The following CCDC61 variants were observed in gnomAD, a reference collection of about 807,000 sequenced individuals.
CCDC61 encodes centrosomal protein CCDC61.
In CCDC61, 55 loss-of-function variants were observed where a neutral mutation model predicts 63.0. That is an observed-to-expected ratio of 0.87 (90% CI 0.70 to 1.09). The LOEUF (loss-of-function observed/expected upper bound fraction) is 1.09. Among genes scored for constraint, CCDC61 ranks in the 50% least tolerant of loss-of-function variants. CCDC61 has a pLI of 0.00. For missense variants in CCDC61, 651 were observed against 731.4 expected (o/e 0.89, Z 1.27); for synonymous variants, 270 against 317.0 (o/e 0.85, Z 1.58).
chr19:46,001,508 G>A (rs1968591438), intron 1 of CCDC61, among the ~76,000 whole-genome samples: 1 of 152,224 alleles, frequency 6.6e-6, no homozygotes, highest in African/African-American at 2.4e-5. Flanking sequence ...ACAGGCGTGA[G>A]CCAACGCACA....
intron 5 of CCDC61, among the ~76,000 whole-genome samples, chr19:46,009,947 C>T (rs553241430): frequency 1.3e-5 from 2 of 152,250 alleles, no homozygotes; most frequent in South Asian, 4.1e-4. Context: ...CCCTTTGGAA[C>T]CAACCACAGG....
chr19:46,003,952 T>G (rs931027700), intron 3 of CCDC61, among the ~76,000 whole-genome samples: 1 of 152,070 alleles, frequency 6.6e-6, no homozygotes, highest in African/African-American at 2.4e-5. Context: ...GTTTATTTTT[T>G]TTTTGAGATG....
Position 46,015,923 on chromosome 19 carries a change from G to A in CCDC61, c.846-131G>A, listed in dbSNP as rs543120051. On this transcript the variant is annotated intron_variant, in intron 7 of 13. Transcript: ENST00000595358. The surrounding 1 kb of genome is among the most constrained non-coding windows in gnomAD (Gnocchi z 5.3). The stretch of plus-strand genomic sequence containing the variant: ...GGGGGAAGATATCGAGAGGGTCATG[G>A]GCCCAGGAGTGCACGTCTAGGAGTT... 1.3e-4 allele frequency: 99 copies of A among 741,930 alleles called. 1 individual carries two copies. In the South Asian group the frequency reaches 2.3e-3, roughly 18 times the overall value. The allele number at this position is 741,930 out of a possible 1,614,324, so 46.0% of individuals were successfully genotyped here.
intron 1 of CCDC61, chr19:45,996,304 G>C (rs557825503): frequency 6.6e-6 from 1 of 152,360 alleles, no homozygotes; most frequent in Admixed American, 6.5e-5. Context: ...CTCTTTGGAA[G>C]TTCATCTGAC....
intron 5 of CCDC61, among the ~76,000 whole-genome samples, chr19:46,009,986 G>GCTT (rs1274186059): frequency 6.6e-6 from 1 of 152,204 alleles, no homozygotes; most frequent in Non-Finnish European, 1.5e-5. Flanking sequence ...CTGCTCAGTG[G>GCTT]CTTCTTATCT....
rs1968941335 is a variant in CCDC61 at position 46,016,578 on chromosome 19, C to T, written c.1092-116C>T. 6.7e-7 allele frequency: 1 copy of T among 1,482,034 alleles called. No homozygotes were observed. Among genetic ancestry groups the T allele is most frequent in the East Asian group, 2.4e-5 (1 of 41,726 alleles). The allele number at this position is 1,482,034 out of a possible 1,614,324, so 91.8% of individuals were successfully genotyped here. A position where few individuals can be genotyped will look rare whatever the true frequency, so the allele number is the denominator to read the frequency against. ...TCTGTGTTTCTGCGTGCTTTCCGCT[C>T]GTAGGCCTGTCACCTCAGGCTTTCG... On this transcript the variant is annotated intron_variant, in intron 9 of 13. Coordinates refer to ENST00000595358, the MANE Select transcript of CCDC61 (RefSeq NM_001267723.2). The surrounding 1 kb of genome is among the most constrained non-coding windows in gnomAD (Gnocchi z 7.2).
Position 46,008,170 on chromosome 19 carries a change from G to A in CCDC61, c.420G>A (p.Gln140=). The A allele has an allele frequency of 6.2e-7, 1 of 1,612,486 alleles. No homozygotes were observed. Among genetic ancestry groups the A allele is most frequent in the Non-Finnish European group, 8.5e-7 (1 of 1,179,370 alleles). The change falls in exon 5 of 14, where the codon CAG becomes CAA. Residue 140 remains glutamine (Q), a synonymous_variant. Transcript: ENST00000595358. Reference sequence around the variant, plus strand: ...ACTACCCGCTGCCCCTCCCGTACCAGGGCAAGCCAGACCCCGTGGTTCTGC... The same window carrying A: ...ACTACCCGCTGCCCCTCCCGTACCAAGGCAAGCCAGACCCCGTGGTTCTGC... ...RIHYPLPLPY[Q]GKPDPVVLQG... is the part of the protein sequence containing the mutation.
chr19:46,003,046 G>T lies in CCDC61; in HGVS notation c.28G>T (p.Asp10Tyr). 1 of 1,584,078 alleles carries T rather than the reference G, an allele frequency of 6.3e-7. No homozygotes were observed. Among genetic ancestry groups the T allele is most frequent in the Non-Finnish European group, 8.6e-7 (1 of 1,165,056 alleles). The change falls in exon 2 of 14, where the codon GAC (aspartate) becomes TAC (tyrosine). Residue 10 changes from aspartate (D) to tyrosine (Y), a missense_variant. By Grantham distance (160) the Asp-to-Tyr change is radical (BLOSUM62 -3). Coordinates refer to ENST00000595358, the MANE Select transcript of CCDC61 (RefSeq NM_001267723.2). MDQPAGLQV[D>Y]YVFRGVEHAV... Reference sequence around the variant, plus strand: ...GGACCAGCCGGCTGGCCTGCAGGTGGACTACGTCTTCCGGGGTGTGGAGCA... The same window carrying T: ...GGACCAGCCGGCTGGCCTGCAGGTGTACTACGTCTTCCGGGGTGTGGAGCA...
rs756013850 is a variant in CCDC61 at position 46,018,151 on chromosome 19, G to A, written c.1441+1G>A. The A allele has an allele frequency of 1.2e-6, 2 of 1,603,676 alleles. No individual in the cohort carries two copies. Among genetic ancestry groups the A allele is most frequent in the African/African-American group, 2.7e-5 (2 of 74,450 alleles). On this transcript the variant is annotated splice_donor_variant, in intron 13 of 13. Coordinates refer to ENST00000595358, the MANE Select transcript of CCDC61 (RefSeq NM_001267723.2). LOFTEE classifies it high-confidence loss of function. The surrounding 1 kb of genome is among the most constrained non-coding windows in gnomAD (Gnocchi z 4.2). ...TCCGGGGGCTGGGTCCCCATCAAAG[G>A]TGAGCCTGGGACTCCACATCCCCTC...
intron 3 of CCDC61, among the ~76,000 whole-genome samples, chr19:46,006,298 C>G (rs990752442): frequency 2.0e-5 from 3 of 152,206 alleles, no homozygotes; most frequent in Non-Finnish European, 4.4e-5. Context: ...CGTGGACCCC[C>G]CAGGGATCTG....
chr19:46,015,428 G>A lies in CCDC61; in HGVS notation c.845+1G>A. On this transcript the variant is annotated splice_donor_variant, in intron 7 of 13. Transcript: ENST00000595358. LOFTEE classifies it high-confidence loss of function. The surrounding 1 kb of genome is among the most constrained non-coding windows in gnomAD (Gnocchi z 5.3). ...GCGAGCTGGCATTGTACAAGAGGGG[G>A]TGAGAGCGAGGCCTGCCAGGCGCCT... 6.3e-7 allele frequency: 1 copy of A among 1,596,678 alleles called. No homozygotes were observed. Among genetic ancestry groups the A allele is most frequent in the Non-Finnish European group, 8.5e-7 (1 of 1,176,404 alleles).
chr19:46,007,855 A>G (rs534557849), intron 4 of CCDC61, among the ~76,000 whole-genome samples: 1 of 152,292 alleles, frequency 6.6e-6, no homozygotes, highest in East Asian at 1.9e-4. Context: ...TGATACCAGC[A>G]TTCCCTTCAT....
intron 4 of CCDC61, among the ~76,000 whole-genome samples, chr19:46,007,696 G>T (rs1968738457): frequency 6.6e-6 from 1 of 152,174 alleles, no homozygotes; most frequent in African/African-American, 2.4e-5. Flanking sequence ...TTAGTGGAAA[G>T]TTACCAATCC....
intron 5 of CCDC61, among the ~76,000 whole-genome samples, chr19:46,009,808 G>A (rs1568692865): frequency 2.5e-5 from 2 of 80,878 alleles, no homozygotes. Flanking sequence ...CAGGCTGTGT[G>A]TGTGTGTATG....
intron 1 of CCDC61, among the ~76,000 whole-genome samples, chr19:45,996,843 C>T (rs184410867): frequency 6.6e-6 from 1 of 152,218 alleles, no homozygotes; most frequent in African/African-American, 2.4e-5. Flanking sequence ...AGTTTGTCTC[C>T]TGCTCTTACC....
At position 46,018,561 on chromosome 19, in the gene CCDC61, G is replaced by A. The variant is rs1969001370; in HGVS notation, c.*174G>A. The A allele has an allele frequency of 3.4e-6, 2 of 588,216 alleles. No homozygotes were observed. Among genetic ancestry groups the A allele is most frequent in the Admixed American group, 3.1e-5 (1 of 32,584 alleles). 36.4% of individuals were successfully genotyped at this position (588,216 alleles called of 1,614,324 possible). On this transcript the variant is annotated 3_prime_UTR_variant, in exon 14 of 14. Coordinates refer to ENST00000595358, the MANE Select transcript of CCDC61 (RefSeq NM_001267723.2). This position sits in a 1 kb window ranked among gnomAD's most constrained non-coding sequence, Gnocchi z 4.2. ...TGACCCTGCCCTCTCCCCAGGCAGT[G>A]CATGCTGGGAGGGAGGATGTGTGCA...
chr19:46,004,527 T>C (rs1968660501), intron 3 of CCDC61, among the ~76,000 whole-genome samples: 1 of 152,064 alleles, frequency 6.6e-6, no homozygotes, highest in Non-Finnish European at 1.5e-5. Flanking sequence ...TGCAGTGGCG[T>C]GATCTCAACT....
intron 5 of CCDC61, among the ~76,000 whole-genome samples, chr19:46,012,603 C>T (rs1020479280): frequency 4.0e-5 from 6 of 151,630 alleles, no homozygotes; most frequent in Non-Finnish European, 5.9e-5. Flanking sequence ...GCCGAGATCA[C>T]GCCACTGCAC....
chr19:45,997,089 C>T (rs1213611188), intron 1 of CCDC61, among the ~76,000 whole-genome samples: 1 of 152,198 alleles, frequency 6.6e-6, no homozygotes, highest in South Asian at 2.1e-4. Flanking sequence ...GCTGCAGCCA[C>T]CCTGGCCTCC....
Sources: allele counts gnomAD v4.1 joint callset (sites outside exome capture counted in the v4.1 genomes callset), GRCh38; gene constraint gnomAD v4.1.1; non-coding constraint Gnocchi (gnomAD v3.1); transcripts MANE v1.5; gene names NCBI Gene and HGNC (gene_info 2026-07-23, HGNC 2026-07-21).